The following SLC27A1 variants were observed in gnomAD, a reference collection of about 807,000 sequenced individuals.
SLC27A1 encodes solute carrier family 27 member 1.
SLC27A1 carries 61 observed loss-of-function variants against 62.2 expected under a neutral mutation model. The ratio of observed to expected loss-of-function variants is 0.98; its 90% CI spans 0.80 to 1.21. The LOEUF (loss-of-function observed/expected upper bound fraction) is 1.21. Ranked by LOEUF, SLC27A1 falls within the 50% of genes most tolerant of loss-of-function variation. The pLI, the probability that SLC27A1 is intolerant of heterozygous loss-of-function variation, is 0.00. For synonymous variants in SLC27A1, 435 were observed against 408.6 expected (o/e 1.06, Z -0.78); for missense variants, 903 against 932.1 (o/e 0.97, Z 0.41).
chr19:17,504,116 T>G (rs1394425758), intron 11 of SLC27A1, among the ~76,000 whole-genome samples: 1 of 151,912 alleles, frequency 6.6e-6, no homozygotes, highest in Admixed American at 6.6e-5. Context: ...CAAAAACAGG[T>G]GGAGGGCCAA....
chr19:17,494,403 C>G (rs1255803041), intron 6 of SLC27A1, among the ~76,000 whole-genome samples: 1 of 151,780 alleles, frequency 6.6e-6, no homozygotes, highest in East Asian at 1.9e-4. Context: ...TCTCAGTTCA[C>G]TGCAACCTCC....
chr19:17,496,842 G>T (rs542840792), intron 6 of SLC27A1: 10 of 162,644 alleles, frequency 6.1e-5, no homozygotes, highest in Admixed American at 1.3e-4. Context: ...CTTGAGGCCA[G>T]GAGTTCAAGA....
rs768294838 is a variant in SLC27A1, at chr19:17,488,885, C to T, written c.832C>T (p.Arg278Cys). Residue 278 changes from arginine (R) to cysteine (C), a missense_variant, in exon 5 of 12, where the codon CGC becomes TGC. Transcript: ENST00000252595. ...RMAAFGHHAYRMQAADVLYDC... is the reference protein window; with the variant it reads ...RMAAFGHHAYCMQAADVLYDC... ...GGCAGCCTTCGGCCACCACGCCTAC[C>T]GCATGCAGGCGGCTGACGTGCTCTA... 46 of 1,613,984 alleles carry T rather than the reference C, an allele frequency of 2.9e-5. No individual in the cohort carries two copies. Among genetic ancestry groups the T allele is most frequent in the East Asian group, 8.9e-5 (4 of 44,902 alleles).
intron 6 of SLC27A1, among the ~76,000 whole-genome samples, chr19:17,494,412 C>T (rs1475816315): frequency 6.6e-6 from 1 of 151,842 alleles, no homozygotes; most frequent in Admixed American, 6.6e-5. Flanking sequence ...ACTGCAACCT[C>T]CACCTCCTGG....
At chr19:17,483,373 C>T (rs2075199215) in intron 1 of SLC27A1, among the ~76,000 whole-genome samples, 1 of 152,006 alleles carries the variant, frequency 6.6e-6, no homozygotes, top group South Asian at 2.1e-4. Flanking sequence ...TGGAAGGTTT[C>T]CTGAGGGAGG....
rs1325976300 is a variant in SLC27A1 at position 17,505,043 on chromosome 19, GCCA to G, written c.*436_*438del. On this transcript the variant is annotated 3_prime_UTR_variant, in exon 12 of 12. Transcript: ENST00000252595. Reference sequence around the variant, plus strand: ...TGAGTAGCTGGGATTACAGGCACCCGCCACCACGTCCAGCTAATTTTTATATTT... The same window carrying G: ...TGAGTAGCTGGGATTACAGGCACCCGCCACGTCCAGCTAATTTTTATATTT... 1 of 359,004 alleles carries G rather than the reference GCCA, an allele frequency of 2.8e-6. No homozygotes were observed. Among genetic ancestry groups the G allele is most frequent in the African/African-American group, 2.1e-5 (1 of 46,692 alleles). 22.2% of individuals were successfully genotyped at this position (359,004 alleles called of 1,614,324 possible). A position where few individuals can be genotyped will look rare whatever the true frequency, so the allele number is the denominator to read the frequency against.
intron 1 of SLC27A1, among the ~76,000 whole-genome samples, chr19:17,471,664 A>C (rs923785181): frequency 5.9e-5 from 9 of 152,262 alleles, no homozygotes; most frequent in African/African-American, 1.9e-4. Flanking sequence ...GAGTAGCAAG[A>C]GGGACTGAAC....
chr19:17,502,269 GT>G (rs1488774904), intron 11 of SLC27A1, among the ~76,000 whole-genome samples: 1 of 143,006 alleles, frequency 7.0e-6, no homozygotes, highest in Admixed American at 7.1e-5. Flanking sequence ...CCCTTCTGCT[GT>G]TTTATTTTAG....
intron 11 of SLC27A1, 46 bp from the exon 12 acceptor site, chr19:17,504,409 A>T: frequency 6.2e-7 from 1 of 1,612,100 alleles, no homozygotes; most frequent in Non-Finnish European, 8.5e-7. Context: ...GAGGCCTCCC[A>T]GAAGCCACCT....
At position 17,504,694 on chromosome 19, in the gene SLC27A1, G is replaced by A. The variant is rs773575275; in HGVS notation, c.*82G>A. ...CAGACAGCGCTGCCCAGGGGTGGCC[G>A]CCTAGTACACACCCACCTGGCCGAG... On this transcript the variant is annotated 3_prime_UTR_variant, in exon 12 of 12. Coordinates refer to ENST00000252595, the MANE Select transcript of SLC27A1 (RefSeq NM_198580.3). 4.0e-5 allele frequency: 62 copies of A among 1,563,592 alleles called. No individual in the cohort carries two copies. Among genetic ancestry groups the A allele is most frequent in the South Asian group, 1.2e-4 (11 of 88,026 alleles).
intron 11 of SLC27A1, chr19:17,503,670 G>C (rs150338018): frequency 6.6e-6 from 1 of 151,530 alleles, no homozygotes; most frequent in Admixed American, 6.6e-5. Flanking sequence ...GGTGGCTCAC[G>C]CCTGTAATCC....
At chr19:17,490,466 T>TA (rs146648372) in intron 6 of SLC27A1, among the ~76,000 whole-genome samples, 18,069 of 151,842 alleles carry the variant, frequency 0.12, 1,190 homozygotes, top group Non-Finnish European at 0.15. Flanking sequence ...AAATTATCTT[T>TA]TAAAAAAAAT....
intron 1 of SLC27A1, among the ~76,000 whole-genome samples, chr19:17,476,196 G>A (rs898773598): frequency 3.3e-5 from 5 of 152,056 alleles, no homozygotes; most frequent in African/African-American, 9.7e-5. Flanking sequence ...GGGGTGCTCC[G>A]TCAAATTCAC....
At chr19:17,474,677 C>T (rs2075105785) in intron 1 of SLC27A1, among the ~76,000 whole-genome samples, 1 of 147,370 alleles carries the variant, frequency 6.8e-6, no homozygotes, top group Admixed American at 7.0e-5. Flanking sequence ...GTCACCCAGG[C>T]TGGAGTGCAA....
rs555097035 is a variant in SLC27A1, at chr19:17,485,204, T to C, written c.168-1359T>C. Among the ~76,000 whole-genome samples, 190 of 149,350 alleles carry C rather than the reference T, an allele frequency of 1.3e-3. 3 individuals carry two copies. The highest frequency in any genetic ancestry group is 1.3e-3 in the South Asian group (6 of 4,722). On this transcript the variant is annotated intron_variant, in intron 1 of 11. Coordinates refer to ENST00000252595, the MANE Select transcript of SLC27A1 (RefSeq NM_198580.3). ...CCTTTTTGTTTCCTTTTTTTTTTTTTTTTTTGATGGAGTCTTGCTCTTTGG... is the reference window on the plus strand; with the variant it reads ...CCTTTTTGTTTCCTTTTTTTTTTTTCTTTTTGATGGAGTCTTGCTCTTTGG...
rs2075459351 is a variant in SLC27A1, at chr19:17,504,801, G to A, written c.*189G>A. On this transcript the variant is annotated 3_prime_UTR_variant, in exon 12 of 12. Coordinates refer to ENST00000252595, the MANE Select transcript of SLC27A1 (RefSeq NM_198580.3). ...GCCTCTCTGCTGCCTTGGTGCCCCT[G>A]TGTCTGCCTCCTCTCCCTGCTTTTC... 3 of 747,120 alleles carry A rather than the reference G, an allele frequency of 4.0e-6. No homozygotes were observed. The highest frequency in any genetic ancestry group is 2.2e-4 in the Middle Eastern group (1 of 4,464). The allele number at this position is 747,120 out of a possible 1,614,324, so 46.3% of individuals were successfully genotyped here. A position where few individuals can be genotyped will look rare whatever the true frequency, so the allele number is the denominator to read the frequency against.
chr19:17,481,029 A>C (rs768556887), intron 1 of SLC27A1, among the ~76,000 whole-genome samples: 103 of 149,934 alleles, frequency 6.9e-4, no homozygotes, highest in Non-Finnish European at 1.2e-3. Flanking sequence ...GGGTTCAAGC[A>C]ATTCTCCTGC....
Position 17,486,765 on chromosome 19 carries a change from G to T in SLC27A1, c.370G>T (p.Gly124Cys). 13 of 1,607,382 alleles carry T rather than the reference G, an allele frequency of 8.1e-6. No homozygotes were observed. The highest frequency in any genetic ancestry group is 1.1e-5 in the Non-Finnish European group (13 of 1,176,924). ...GGTAGCCAACCTCTTCCGCCAGCTG[G>T]GCTTCGCGCCGGGCGACGTGGTGGC... Reference protein sequence around the residue: ...NAVANLFRQLGFAPGDVVAIF... With the variant: ...NAVANLFRQLCFAPGDVVAIF... The change falls in exon 2 of 12, where the codon GGC (glycine) becomes TGC (cysteine). Residue 124 changes from glycine to cysteine, a missense_variant. Gly to Cys is a radical substitution (Grantham distance 159, BLOSUM62 -3). Coordinates refer to ENST00000252595, the MANE Select transcript of SLC27A1 (RefSeq NM_198580.3). The surrounding 1 kb of genome is among the most constrained non-coding windows in gnomAD (Gnocchi z 6.6).
Position 17,487,222 on chromosome 19 carries a change from G to T in SLC27A1, c.611G>T (p.Cys204Phe), listed in dbSNP as rs764493031. Residue 204 changes from cysteine to phenylalanine, a missense_variant, in exon 3 of 12, where the codon TGC becomes TTC. Cys to Phe is a radical substitution (Grantham distance 205, BLOSUM62 -2). Transcript: ENST00000252595. ...CTGGGGAAAAGTTTGATCAAGTTCT[G>T]CTCTGGAGACTTGGGGCCCGAGGGC... ...GHLGKSLIKF[C>F]SGDLGPEGIL... 1.9e-6 allele frequency: 3 copies of T among 1,614,114 alleles called. No individual in the cohort carries two copies. Among genetic ancestry groups the T allele is most frequent in the Non-Finnish European group, 2.5e-6 (3 of 1,179,996 alleles).
Sources: gnomAD v4.1 joint callset for allele counts (sites outside exome capture counted in the v4.1 genomes callset) on GRCh38, gnomAD v4.1.1 for gene constraint, Gnocchi (gnomAD v3.1) non-coding constraint, MANE v1.5 for transcripts, NCBI Gene and HGNC (gene_info 2026-07-23, HGNC 2026-07-21) for gene names.